The following TENM3 variants were observed in gnomAD, a reference collection of about 807,000 sequenced individuals.
TENM3 encodes the protein teneurin-3.
Under a neutral mutation model 255.1 loss-of-function variants are expected in TENM3, and 63 were observed. That is an observed-to-expected ratio of 0.25 (90% confidence interval 0.20 to 0.30). TENM3 has a LOEUF of 0.30. TENM3 is among the 10% of genes least tolerant of loss of function. The probability of loss-of-function intolerance (pLI) is 1.00; values close to 1 mark genes in which losing one functional copy is unlikely to be tolerated. For missense variants in TENM3, 2,929 were observed against 3,461.1 expected, an observed-to-expected ratio of 0.85 and a Z score of 3.86; for synonymous variants, 1,306 against 1,322.3, an observed-to-expected ratio of 0.99 and a Z score of 0.27.
chr4:182,097,909 A>G, the TENM3 span, among the ~76,000 whole-genome samples: 5 of 152,236 alleles, frequency 3.3e-5, no homozygotes, highest in South Asian at 2.1e-4. Flanking sequence ...TATGCAGCTA[A>G]TAAGTGCAGC....
At chr4:181,734,643 T>C in the TENM3 span, among the ~76,000 whole-genome samples, 1 of 152,158 alleles carries the variant, frequency 6.6e-6, no homozygotes, top group Non-Finnish European at 1.5e-5. Flanking sequence ...TGATCAAGAT[T>C]TTCCAAAGCA....
At chr4:182,708,038 T>TA (rs1758431219) in intron 12 of TENM3, 1 of 151,338 alleles carries the variant, frequency 6.6e-6, no homozygotes, top group Non-Finnish European at 1.5e-5. Context: ...GACATTGTGA[T>TA]AGAGTGGTTT....
chr4:182,494,524 G>A (rs1735579778), intron 3 of TENM3, among the ~76,000 whole-genome samples: 1 of 152,148 alleles, frequency 6.6e-6, no homozygotes, highest in Admixed American at 6.5e-5. Context: ...TCAGTTTCAG[G>A]TATCCACTGG....
intron 3 of TENM3, among the ~76,000 whole-genome samples, chr4:182,481,249 GA>G (rs1323306430): frequency 6.6e-6 from 1 of 152,124 alleles, no homozygotes; most frequent in Non-Finnish European, 1.5e-5. Flanking sequence ...AGGAGTTAAA[GA>G]GAAAGTCCAG....
chr4:181,474,019 G>C, the TENM3 span, among the ~76,000 whole-genome samples: 4 of 151,830 alleles, frequency 2.6e-5, no homozygotes, highest in Non-Finnish European at 5.9e-5. Flanking sequence ...CATTTTGCCA[G>C]TTAATACTAA....
the TENM3 span, among the ~76,000 whole-genome samples, chr4:181,974,957 G>A: frequency 6.6e-6 from 1 of 151,994 alleles, no homozygotes; most frequent in South Asian, 2.1e-4. Flanking sequence ...CCTGCTTTTG[G>A]AGTTCCCGGT....
chr4:182,759,237 C>G (rs931197730), intron 22 of TENM3, among the ~76,000 whole-genome samples: 1 of 152,138 alleles, frequency 6.6e-6, no homozygotes, highest in East Asian at 1.9e-4. Flanking sequence ...TGGCTCCCAC[C>G]ACTCCTGGAA....
Position 182,775,017 on chromosome 4 carries a change from T to C in TENM3, c.5168T>C (p.Leu1723Pro). Reference protein sequence around the residue: ...DSHYQTEPHVLAGTANPTVAK... With the variant: ...DSHYQTEPHVPAGTANPTVAK... Reference sequence around the variant, plus strand: ...CACTACCAAACAGAGCCGCACGTTCTGGCTGGCACCGCTAATCCGACGGTT... The same window carrying C: ...CACTACCAAACAGAGCCGCACGTTCCGGCTGGCACCGCTAATCCGACGGTT... Residue 1723 changes from leucine to proline, a missense_variant, in exon 24 of 28, where the codon CTG becomes CCG. Leu to Pro is a moderately conservative substitution (Grantham distance 98). Transcript: ENST00000511685. 1 of 1,614,044 alleles carries C rather than the reference T, an allele frequency of 6.2e-7. No individual in the cohort carries two copies. Among genetic ancestry groups the C allele is most frequent in the Non-Finnish European group, 8.5e-7 (1 of 1,179,898 alleles).
intron 1 of TENM3, among the ~76,000 whole-genome samples, chr4:182,290,875 C>T (rs899356639): frequency 1.1e-4 from 16 of 151,776 alleles, no homozygotes; most frequent in African/African-American, 3.1e-4. Flanking sequence ...GGCAGGAGTG[C>T]GGTGGCACAA....
chr4:182,112,743 C>T, the TENM3 span, among the ~76,000 whole-genome samples: 243 of 152,178 alleles, frequency 1.6e-3, 2 homozygotes, highest in Admixed American at 0.015. Context: ...TTCATTTTTG[C>T]GTTTATGCTA....
chr4:181,524,750 T>G, the TENM3 span, among the ~76,000 whole-genome samples: 1 of 151,896 alleles, frequency 6.6e-6, no homozygotes, highest in Non-Finnish European at 1.5e-5. Context: ...TGCTTGGAGG[T>G]TGGTTTACCA....
At chr4:181,870,879 A>C in the TENM3 span, among the ~76,000 whole-genome samples, 84 of 152,160 alleles carry the variant, frequency 5.5e-4, no homozygotes, top group African/African-American at 2.0e-3. Flanking sequence ...ATTTGCCAAT[A>C]CCAGGTTTGA....
At chr4:182,693,017 T>C (rs1204108364) in intron 12 of TENM3, among the ~76,000 whole-genome samples, 5 of 152,178 alleles carry the variant, frequency 3.3e-5, no homozygotes. Context: ...GGGGTTCTCT[T>C]TTTATCTCTA....
At chr4:182,468,583 T>C (rs1732810034) in intron 3 of TENM3, among the ~76,000 whole-genome samples, 1 of 152,214 alleles carries the variant, frequency 6.6e-6, no homozygotes. Flanking sequence ...TTAGTATTGA[T>C]CAGAATTGTA....
chr4:181,563,294 T>C, the TENM3 span, among the ~76,000 whole-genome samples: 60 of 152,296 alleles, frequency 3.9e-4, no homozygotes, highest in African/African-American at 1.4e-3. Context: ...TCTCGGCTTG[T>C]AGAAGCCTCA....
the TENM3 span, among the ~76,000 whole-genome samples, chr4:181,454,869 G>T: frequency 6.6e-6 from 1 of 151,760 alleles, no homozygotes; most frequent in Non-Finnish European, 1.5e-5. Context: ...TTAGATATAT[G>T]ATATGGTCAG....
the TENM3 span, among the ~76,000 whole-genome samples, chr4:181,512,823 A>G: frequency 1.3e-5 from 2 of 152,344 alleles, no homozygotes; most frequent in African/African-American, 4.8e-5. Context: ...CATCAGGTGC[A>G]CAAGTCTAGA....
At chr4:181,862,215 C>T in the TENM3 span, among the ~76,000 whole-genome samples, 1 of 151,844 alleles carries the variant, frequency 6.6e-6, no homozygotes, top group East Asian at 1.9e-4. Context: ...ATTATGCAAA[C>T]TTAACACACA....
At chr4:181,870,680 T>C in the TENM3 span, among the ~76,000 whole-genome samples, 2 of 152,164 alleles carry the variant, frequency 1.3e-5, no homozygotes, top group African/African-American at 4.8e-5. Context: ...GCTTTTTGGA[T>C]GTTTTCCTTT....
Sources: gnomAD v4.1 joint callset for allele counts (sites outside exome capture counted in the v4.1 genomes callset) on GRCh38, gnomAD v4.1.1 for gene constraint, MANE v1.5 for transcripts, NCBI Gene and HGNC (gene_info 2026-07-23, HGNC 2026-07-21) for gene names.